Variants in AK9 observed in about 807,000 individuals in gnomAD.
The protein encoded by AK9 is adenylate kinase domain containing 1.
A neutral mutation model predicts 239.6 loss-of-function variants in AK9; 191 were observed. The observed-to-expected ratio is 0.80, with a 90% CI of 0.71 to 0.90. The LOEUF (loss-of-function observed/expected upper bound fraction) is 0.90, where lower values mean the gene tolerates loss of function less well. AK9 is among the 40% of genes least tolerant of loss of function. The pLI is 0.00. For missense variants in AK9, 1,995 were observed against 2,214.7 expected (o/e 0.90, Z 1.99); for synonymous variants, 689 against 721.0 (o/e 0.96, Z 0.71).
chr6:109,564,709 A>G lies in AK9; in HGVS notation c.2434+47T>C, dbSNP rs1211031163. ...AATTAGGGACCCTTTGTAAGAAAAT[A>G]TGAAAAGTACTTTTATGCAAGAACT... On this transcript the variant is annotated intron_variant, in intron 22 of 40. Transcript: ENST00000424296. The G allele has an allele frequency of 9.2e-6, 13 of 1,418,756 alleles. No individual in the cohort carries two copies. In the East Asian group the frequency reaches 2.5e-4, roughly 28 times the overall value. The allele number at this position is 1,418,756 out of a possible 1,614,324, so 87.9% of individuals were successfully genotyped here.
intron 8 of AK9, among the ~76,000 whole-genome samples, chr6:109,646,951 A>C (rs1798145977): frequency 6.6e-6 from 1 of 152,244 alleles, no homozygotes. Flanking sequence ...TCTTAAAGAA[A>C]ATAATTTTCA....
chr6:109,681,739 A>C (rs903798622), intron 1 of AK9, among the ~76,000 whole-genome samples: 2 of 152,054 alleles, frequency 1.3e-5, no homozygotes, highest in African/African-American at 4.8e-5. Flanking sequence ...AAATCATAAC[A>C]GTCTCTCAGA....
At chr6:109,649,211 T>C (rs1419509704) in intron 8 of AK9, among the ~76,000 whole-genome samples, 1 of 152,074 alleles carries the variant, frequency 6.6e-6, no homozygotes, top group East Asian at 1.9e-4. Context: ...TCACCACTCC[T>C]ATTCAACATA....
At chr6:109,674,081 C>A in intron 3 of AK9, 117 bp downstream of exon 3, 1 of 659,168 alleles carries the variant, frequency 1.5e-6, no homozygotes, top group Non-Finnish European at 2.2e-6. Flanking sequence ...TATAGCAAAA[C>A]GTTAATCACA....
chr6:109,672,087 A>G, intron 4 of AK9, 28 bp downstream of exon 4: 1 of 1,612,836 alleles, frequency 6.2e-7, no homozygotes, highest in Non-Finnish European at 8.5e-7. Flanking sequence ...TTGTAATCAT[A>G]GTTACTTTGA....
chr6:109,526,727 T>C (rs990475532), intron 29 of AK9, among the ~76,000 whole-genome samples: 1 of 152,220 alleles, frequency 6.6e-6, no homozygotes, highest in African/African-American at 2.4e-5. Context: ...TGACTGACAC[T>C]GCCTGTGGAG....
Position 109,550,310 on chromosome 6 carries a change from C to T in AK9, c.2752-8G>A, listed in dbSNP as rs372398800. ...CTTCATTTTATCTTCACCCTAGAAACGGTATTCAAAGTTTGGAGAACATTA... is the reference window on the plus strand; with the variant it reads ...CTTCATTTTATCTTCACCCTAGAAATGGTATTCAAAGTTTGGAGAACATTA... On this transcript the variant is annotated splice_polypyrimidine_tract_variant and splice_region_variant and intron_variant, in intron 24 of 40. Coordinates refer to ENST00000424296, the MANE Select transcript of AK9 (RefSeq NM_001145128.3). 8.4e-5 allele frequency: 134 copies of T among 1,599,958 alleles called. No individual in the cohort carries two copies. The highest frequency in any genetic ancestry group is 1.1e-4 in the Non-Finnish European group (125 of 1,177,420).
At chr6:109,688,388 C>T (rs1773828956) in intron 1 of AK9, among the ~76,000 whole-genome samples, 1 of 152,190 alleles carries the variant, frequency 6.6e-6, no homozygotes, top group Admixed American at 6.5e-5. Flanking sequence ...GCCAGCACCA[C>T]TACCTAAAGG....
At chr6:109,542,929 T>C (rs888500861) in intron 26 of AK9, among the ~76,000 whole-genome samples, 15 of 152,166 alleles carry the variant, frequency 9.9e-5, no homozygotes, top group Non-Finnish European at 1.5e-4. Context: ...CATATCTCAT[T>C]ACTTTTTGCT....
At chr6:109,652,892 G>A (rs1040990076) in intron 8 of AK9, among the ~76,000 whole-genome samples, 2 of 151,852 alleles carry the variant, frequency 1.3e-5, no homozygotes, top group African/African-American at 4.8e-5. Flanking sequence ...GGTATATCCT[G>A]ATATATTGGA....
At chr6:109,646,078 C>T (rs988622493) in intron 8 of AK9, among the ~76,000 whole-genome samples, 2 of 152,092 alleles carry the variant, frequency 1.3e-5, no homozygotes, top group African/African-American at 4.8e-5. Context: ...CACCAAAACC[C>T]CATCTGTAAG....
chr6:109,547,062 A>C (rs1783657518), intron 25 of AK9, among the ~76,000 whole-genome samples: 1 of 152,186 alleles, frequency 6.6e-6, no homozygotes, highest in Non-Finnish European at 1.5e-5. Context: ...ACTAAGCGGA[A>C]ATTACAGCTG....
chr6:109,580,994 T>C (rs1788788891), intron 19 of AK9, among the ~76,000 whole-genome samples: 1 of 152,158 alleles, frequency 6.6e-6, no homozygotes, highest in African/African-American at 2.4e-5. Context: ...TTCCTCATTA[T>C]TATTATGTGT....
chr6:109,536,781 A>G (rs1582893102), intron 27 of AK9, among the ~76,000 whole-genome samples: 1 of 152,162 alleles, frequency 6.6e-6, no homozygotes, highest in South Asian at 2.1e-4. Context: ...ACGTCCCATC[A>G]ATACCTAATT....
At chr6:109,629,638 T>A (rs918110283) in intron 12 of AK9, among the ~76,000 whole-genome samples, 3 of 151,596 alleles carry the variant, frequency 2.0e-5, no homozygotes, top group African/African-American at 4.8e-5. Flanking sequence ...TTGAAAAATT[T>A]TTTTTTTTTT....
intron 1 of AK9, among the ~76,000 whole-genome samples, chr6:109,681,224 T>C (rs28816813): frequency 0.051 from 7,829 of 152,042 alleles, 401 homozygotes; most frequent in East Asian, 0.23. Flanking sequence ...AAGACAAACA[T>C]AGGTGCAAAA....
At position 109,675,669 on chromosome 6, in the gene AK9, A is replaced by G. The variant is rs753780601; in HGVS notation, c.77T>C (p.Leu26Ser). The G allele has an allele frequency of 6.3e-7, 1 of 1,597,338 alleles. No homozygotes were observed. Among genetic ancestry groups the G allele is most frequent in the Admixed American group, 1.7e-5 (1 of 57,178 alleles). ...FDEDETERNF[L>S]LSKPVCFVVF... is the part of the protein sequence containing the mutation. ...AACAAAGCAAACAGGTTTGGACAAC[A>G]AAAAATTCCTTTCAGTTTCATCTTC... The change falls in exon 2 of 41, where the codon TTG (leucine) becomes TCG (serine). Residue 26 changes from leucine to serine, a missense_variant. By Grantham distance (145) the Leu-to-Ser change is moderately radical (BLOSUM62 -2). This residue lies in a region of AK9 where 252 missense variants were observed against 246.4 expected (regional missense o/e 1.02). Transcript: ENST00000424296.
At chr6:109,542,773 T>C (rs1783060618) in intron 26 of AK9, among the ~76,000 whole-genome samples, 1 of 152,214 alleles carries the variant, frequency 6.6e-6, no homozygotes, top group Admixed American at 6.5e-5. Flanking sequence ...AAATACAGGT[T>C]GTACAAAAGT....
intron 5 of AK9, among the ~76,000 whole-genome samples, chr6:109,665,992 A>C (rs537499848): frequency 6.6e-6 from 1 of 152,282 alleles, no homozygotes; most frequent in African/African-American, 2.4e-5. Flanking sequence ...TCTGGTGTAC[A>C]TGTATATTGG....
Sources: gnomAD v4.1 joint callset for allele counts (sites outside exome capture counted in the v4.1 genomes callset) on GRCh38, gnomAD v4.1.1 for gene constraint, gnomAD v4.1.1 regional missense constraint, MANE v1.5 for transcripts, NCBI Gene and HGNC (gene_info 2026-07-23, HGNC 2026-07-21) for gene names.